Variants in SLC4A4 observed in about 807,000 individuals in gnomAD.
The protein encoded by SLC4A4 is electrogenic sodium bicarbonate cotransporter 1.
Under a neutral mutation model 111.5 loss-of-function variants are expected in SLC4A4, and 27 were observed. The observed-to-expected ratio is 0.24, with a 90% CI of 0.18 to 0.33. SLC4A4 has a LOEUF of 0.33. Ranked by LOEUF, SLC4A4 falls within the 10% of genes least tolerant of loss-of-function variation. The pLI is 1.00. For missense variants in SLC4A4, 909 were observed against 1,315.5 expected, an observed-to-expected ratio of 0.69 and a Z score of 4.78; for synonymous variants, 443 against 463.4, an observed-to-expected ratio of 0.96 and a Z score of 0.57.
intron 2 of SLC4A4, among the ~76,000 whole-genome samples, chr4:71,173,864 A>G (rs570658065): frequency 6.6e-6 from 1 of 152,358 alleles, no homozygotes; most frequent in East Asian, 1.9e-4. Context: ...CAAAAAATAA[A>G]TAAAACAACA....
chr4:71,506,784 A>G (rs1361873240), intron 16 of SLC4A4, among the ~76,000 whole-genome samples: 1 of 152,138 alleles, frequency 6.6e-6, no homozygotes, highest in Non-Finnish European at 1.5e-5. Flanking sequence ...TCCTCAAGAC[A>G]CATAATCATC....
intron 3 of SLC4A4, among the ~76,000 whole-genome samples, chr4:71,313,471 C>G (rs1447692843): frequency 6.6e-6 from 1 of 152,176 alleles, no homozygotes; most frequent in Non-Finnish European, 1.5e-5. Flanking sequence ...ATAGCCAAGA[C>G]AATCCCAAGC....
rs1392436681 is a variant in SLC4A4 at position 71,167,990 on chromosome 4, T to G, written c.-1-68586T>G. On this transcript the variant is annotated intron_variant, in intron 2 of 26. Transcript: ENST00000649996. ...CTGGGTAATGTCTTTTTTTATTTTT[T>G]GAAATTATTTATTTGTTTTTTTAAA... Among the ~76,000 whole-genome samples, 27 of 152,024 alleles carry G rather than the reference T, an allele frequency of 1.8e-4. 1 individual carries two copies. The highest frequency in any genetic ancestry group is 1.8e-3 in the Admixed American group (27 of 15,266).
At chr4:71,169,400 G>A (rs1160610951) in intron 2 of SLC4A4, among the ~76,000 whole-genome samples, 1 of 151,930 alleles carries the variant, frequency 6.6e-6, no homozygotes, top group Non-Finnish European at 1.5e-5. Flanking sequence ...ATTTTAATTG[G>A]GGTGAGCCGA....
At chr4:71,368,085 C>A (rs1403462139) in intron 6 of SLC4A4, among the ~76,000 whole-genome samples, 1 of 152,138 alleles carries the variant, frequency 6.6e-6, no homozygotes, top group Non-Finnish European at 1.5e-5. Flanking sequence ...ATATTTCCAA[C>A]CTCGTTGTGA....
chr4:71,265,259 C>A (rs186500016), intron 3 of SLC4A4, among the ~76,000 whole-genome samples: 1 of 151,972 alleles, frequency 6.6e-6, no homozygotes, highest in Non-Finnish European at 1.5e-5. Context: ...TGACTGAGTG[C>A]GAGTGGGGAA....
chr4:71,540,523 G>T (rs1369161179), intron 18 of SLC4A4, among the ~76,000 whole-genome samples: 2 of 152,096 alleles, frequency 1.3e-5, no homozygotes, highest in East Asian at 3.9e-4. Context: ...ACTTTAAAGG[G>T]CATATTTAAC....
intron 6 of SLC4A4, among the ~76,000 whole-genome samples, chr4:71,371,290 C>T (rs1354833963): frequency 7.4e-6 from 1 of 134,790 alleles, no homozygotes; most frequent in South Asian, 2.4e-4. Context: ...GTTTCCCAGG[C>T]TAGAGTGCAG....
intron 13 of SLC4A4, among the ~76,000 whole-genome samples, chr4:71,467,657 A>G (rs902343401): frequency 1.4e-4 from 21 of 152,254 alleles, no homozygotes; most frequent in African/African-American, 4.3e-4. Flanking sequence ...TGCAATTATG[A>G]TATCAGCATT....
At chr4:71,449,081 T>A (rs1336136648) in intron 9 of SLC4A4, among the ~76,000 whole-genome samples, 8 of 152,190 alleles carry the variant, frequency 5.3e-5, no homozygotes, top group Admixed American at 4.6e-4. Context: ...TATTTGGAAG[T>A]TTGGAGGTAG....
intron 7 of SLC4A4, among the ~76,000 whole-genome samples, chr4:71,424,937 A>G (rs893744362): frequency 5.3e-5 from 8 of 152,084 alleles, no homozygotes; most frequent in Non-Finnish European, 1.0e-4. Flanking sequence ...ACATGTATAC[A>G]TATGTAACTA....
chr4:71,524,422 C>T (rs1258881276), intron 16 of SLC4A4, among the ~76,000 whole-genome samples: 1 of 152,154 alleles, frequency 6.6e-6, no homozygotes, highest in African/African-American at 2.4e-5. Flanking sequence ...CTTCACTAGG[C>T]TTACTCTCCT....
intron 21 of SLC4A4, among the ~76,000 whole-genome samples, chr4:71,556,350 T>C (rs992401754): frequency 2.0e-5 from 3 of 151,978 alleles, no homozygotes; most frequent in African/African-American, 7.2e-5. Flanking sequence ...TACCTGCCAT[T>C]GTAAATATTC....
intron 2 of SLC4A4, among the ~76,000 whole-genome samples, chr4:71,171,373 G>C (rs534001312): frequency 7.9e-5 from 12 of 152,270 alleles, no homozygotes; most frequent in African/African-American, 2.9e-4. Flanking sequence ...CAGTATAGTA[G>C]AAAGAGCATA....
chr4:71,111,538 T>TG (rs1560725503), intron 2 of SLC4A4, among the ~76,000 whole-genome samples: 6 of 140,694 alleles, frequency 4.3e-5, no homozygotes, highest in African/African-American at 1.6e-4. Flanking sequence ...TTTTTTTTTT[T>TG]TTTTTTTTTT....
At chr4:71,391,712 C>A (rs894560305) in intron 6 of SLC4A4, among the ~76,000 whole-genome samples, 1 of 151,902 alleles carries the variant, frequency 6.6e-6, no homozygotes, top group African/African-American at 2.4e-5. Context: ...ACTGGTTCTT[C>A]TTCTGCTTTT....
intron 12 of SLC4A4, among the ~76,000 whole-genome samples, chr4:71,463,681 AGC>A (rs1727047186): frequency 1.3e-5 from 2 of 152,164 alleles, no homozygotes; most frequent in African/African-American, 4.8e-5. Flanking sequence ...TTACCGAATG[AGC>A]AACAATGCCT....
chr4:71,254,068 A>G (rs987416179), intron 2 of SLC4A4, among the ~76,000 whole-genome samples: 2 of 152,188 alleles, frequency 1.3e-5, no homozygotes, highest in Non-Finnish European at 2.9e-5. Context: ...TACATACTGT[A>G]TGTACATGTA....
chr4:71,261,239 C>T (rs996931318), intron 3 of SLC4A4, among the ~76,000 whole-genome samples: 2 of 152,174 alleles, frequency 1.3e-5, no homozygotes, highest in Non-Finnish European at 2.9e-5. Flanking sequence ...GTCTCTTGTG[C>T]TGCTCTTTTT....
Sources: allele counts gnomAD v4.1 joint callset (sites outside exome capture counted in the v4.1 genomes callset), GRCh38; gene constraint gnomAD v4.1.1; transcripts MANE v1.5; gene names NCBI Gene and HGNC (gene_info 2026-07-23, HGNC 2026-07-21).